The following LARGE1 variants were observed in gnomAD, a reference collection of about 807,000 sequenced individuals.
The protein encoded by LARGE1 is LARGE xylosyl- and glucuronyltransferase 1.
A neutral mutation model predicts 87.6 loss-of-function variants in LARGE1; 43 were observed. The observed-to-expected ratio is 0.49, with a 90% confidence interval of 0.38 to 0.63. The LOEUF is 0.63. LARGE1 is among the 30% of genes least tolerant of loss of function. The pLI is 0.00. For missense variants in LARGE1, 802 were observed against 1,000.2 expected, an observed-to-expected ratio of 0.80 and a Z score of 2.67; for synonymous variants, 434 against 394.6, an observed-to-expected ratio of 1.10 and a Z score of -1.18.
At chr22:33,645,273 C>T (rs971537271) in intron 3 of LARGE1, among the ~76,000 whole-genome samples, 1 of 152,138 alleles carries the variant, frequency 6.6e-6, no homozygotes, top group African/African-American at 2.4e-5. Flanking sequence ...AGAACAGAGG[C>T]CGCAGAAATT....
At chr22:33,393,855 C>G (rs113135998) in intron 7 of LARGE1, among the ~76,000 whole-genome samples, 14,130 of 152,162 alleles carry the variant, frequency 0.093, 1,032 homozygotes, top group African/African-American at 0.21. Flanking sequence ...GAGACCAACG[C>G]TAAATAAATA....
chr22:33,297,208 AGGGGGTAGGTGGTTAGATGTCAAGCT>A (rs1365004549), intron 12 of LARGE1, among the ~76,000 whole-genome samples: 1 of 152,144 alleles, frequency 6.6e-6, no homozygotes, highest in African/African-American at 2.4e-5. Context: ...GGAAAATGTA[AGGGGGTAGGTGGTTAGATGTCAAGCT>A]GGGGAGAAAA....
chr22:33,415,812 A>G (rs181169283), intron 7 of LARGE1, among the ~76,000 whole-genome samples: 110 of 152,286 alleles, frequency 7.2e-4, no homozygotes, highest in African/African-American at 2.4e-3. Flanking sequence ...GACAATCAAG[A>G]GGGAAGAGGA....
chr22:33,855,191 C>T (rs543877713), intron 1 of LARGE1, among the ~76,000 whole-genome samples: 1 of 151,952 alleles, frequency 6.6e-6, no homozygotes, highest in South Asian at 2.1e-4. Context: ...AAAAATTAGC[C>T]GGGTGTGGTG....
intron 11 of LARGE1, among the ~76,000 whole-genome samples, chr22:33,206,641 G>A (rs1183983363): frequency 6.6e-6 from 1 of 152,170 alleles, no homozygotes; most frequent in Non-Finnish European, 1.5e-5. Flanking sequence ...CATATGGAAA[G>A]CATAGCACAG....
intron 6 of LARGE1, among the ~76,000 whole-genome samples, chr22:33,541,885 G>A (rs893391564): frequency 1.3e-5 from 2 of 152,106 alleles, no homozygotes; most frequent in African/African-American, 4.8e-5. Context: ...ATTCAAGGCT[G>A]GGTGCAGTGG....
At chr22:33,692,190 T>A (rs240075) in intron 2 of LARGE1, among the ~76,000 whole-genome samples, 22,358 of 152,176 alleles carry the variant, frequency 0.15, 1,889 homozygotes, top group East Asian at 0.27. Flanking sequence ...TGACAACTTC[T>A]CTTGTTAGGA....
At chr22:33,124,230 A>G in the LARGE1 span, among the ~76,000 whole-genome samples, 3 of 151,880 alleles carry the variant, frequency 2.0e-5, no homozygotes, top group African/African-American at 7.3e-5. Flanking sequence ...CAGGAGGCGG[A>G]GGTTGCAGGT....
chr22:33,187,919 CTCAAAAAAAAAAAAAAA>C, intron 11 of LARGE1, among the ~76,000 whole-genome samples: 2 of 40,978 alleles, frequency 4.9e-5, no homozygotes, highest in Admixed American at 4.6e-4. Flanking sequence ...GAGACTCCGT[CTCAAAAAAAAAAAAAAA>C]AAAAAAAAAA....
intron 3 of LARGE1, among the ~76,000 whole-genome samples, chr22:33,644,545 T>C (rs1262105214): frequency 6.6e-6 from 1 of 152,168 alleles, no homozygotes; most frequent in Non-Finnish European, 1.5e-5. Flanking sequence ...TAACATAGTG[T>C]TGGAAGTTCT....
At chr22:33,850,894 C>T (rs1480602828) in intron 1 of LARGE1, among the ~76,000 whole-genome samples, 1 of 152,028 alleles carries the variant, frequency 6.6e-6, no homozygotes, top group Admixed American at 6.5e-5. Context: ...CTATAAGTAA[C>T]CTAACCGGTC....
intron 7 of LARGE1, among the ~76,000 whole-genome samples, chr22:33,427,795 C>G (rs2066931161): frequency 6.6e-6 from 1 of 152,222 alleles, no homozygotes; most frequent in African/African-American, 2.4e-5. Context: ...TCTGAGGTCC[C>G]CAGTTCATAA....
intron 5 of LARGE1, chr22:33,572,272 T>C: frequency 2.7e-6 from 3 of 1,099,124 alleles, no homozygotes; most frequent in Non-Finnish European, 3.6e-6. Context: ...TGAGTGGTTG[T>C]CTTGGCAACC....
intron 7 of LARGE1, among the ~76,000 whole-genome samples, chr22:33,404,047 T>C (rs139386915): frequency 6.6e-6 from 1 of 152,208 alleles, no homozygotes; most frequent in Non-Finnish European, 1.5e-5. Flanking sequence ...GGGAAGCCTA[T>C]GTGCTAACAG....
intron 1 of LARGE1, among the ~76,000 whole-genome samples, chr22:33,882,128 C>G (rs192867664): frequency 1.3e-5 from 2 of 151,544 alleles, no homozygotes; most frequent in Admixed American, 1.3e-4. Context: ...CCGCAAGCTC[C>G]GCCTCCCGGG....
intron 1 of LARGE1, among the ~76,000 whole-genome samples, chr22:33,885,827 T>C (rs2064828680): frequency 6.6e-6 from 1 of 152,070 alleles, no homozygotes; most frequent in African/African-American, 2.4e-5. Flanking sequence ...GGCCAGGAGT[T>C]CGAGACCAGC....
chr22:33,800,374 T>C (rs2086122392), intron 1 of LARGE1, among the ~76,000 whole-genome samples: 1 of 152,350 alleles, frequency 6.6e-6, no homozygotes, highest in Admixed American at 6.5e-5. Flanking sequence ...ATACAATTAA[T>C]TAGACCACAG....
At chr22:33,660,145 G>A (rs1173956825) in intron 2 of LARGE1, among the ~76,000 whole-genome samples, 2 of 143,212 alleles carry the variant, frequency 1.4e-5, no homozygotes, top group Non-Finnish European at 3.0e-5. Flanking sequence ...GGAGGCAGTT[G>A]GTCTTTGAAC....
chr22:33,759,725 G>T (rs2084654623), intron 2 of LARGE1, among the ~76,000 whole-genome samples: 1 of 152,102 alleles, frequency 6.6e-6, no homozygotes, highest in Non-Finnish European at 1.5e-5. Flanking sequence ...AGCACGGGTG[G>T]TACCTCTAAC....
Sources: gnomAD v4.1 joint callset for allele counts (sites outside exome capture counted in the v4.1 genomes callset) on GRCh38, gnomAD v4.1.1 for gene constraint, MANE v1.5 for transcripts, NCBI Gene and HGNC (gene_info 2026-07-23, HGNC 2026-07-21) for gene names.